The following APP variants were observed in gnomAD, a reference collection of about 807,000 sequenced individuals.
The protein encoded by APP is amyloid-beta precursor protein.
APP carries 31 observed loss-of-function variants against 101.4 expected under a neutral mutation model. That is an observed-to-expected ratio of 0.31 (90% CI 0.23 to 0.41). The LOEUF is 0.41. Ranked by LOEUF, APP falls within the 10% of genes least tolerant of loss-of-function variation. The pLI is 1.00. For synonymous variants in APP, 366 were observed against 364.4 expected (o/e 1.00, Z -0.05); for missense variants, 839 against 1,003.7 (o/e 0.84, Z 2.22).
chr21:26,001,430 A>G (rs1045561550), intron 6 of APP, among the ~76,000 whole-genome samples: 2 of 152,208 alleles, frequency 1.3e-5, no homozygotes, highest in Non-Finnish European at 2.9e-5. Context: ...TCTTAGTTTT[A>G]CTGACAGAGG....
At chr21:25,895,626 G>A (rs1265253364) in intron 16 of APP, among the ~76,000 whole-genome samples, 1 of 152,126 alleles carries the variant, frequency 6.6e-6, no homozygotes, top group African/African-American at 2.4e-5. Context: ...ATTTTTCTAA[G>A]CTGAAACTAA....
At chr21:26,063,692 T>C (rs1430474104) in intron 3 of APP, among the ~76,000 whole-genome samples, 2 of 152,208 alleles carry the variant, frequency 1.3e-5, no homozygotes, top group South Asian at 2.1e-4. Context: ...AATGAATGAA[T>C]ACATAAATAG....
At chr21:26,097,784 T>C (rs1195210333) in intron 2 of APP, among the ~76,000 whole-genome samples, 1 of 152,094 alleles carries the variant, frequency 6.6e-6, no homozygotes, top group Non-Finnish European at 1.5e-5. Context: ...CATGAAATAA[T>C]TTTAAGAGTG....
At chr21:26,071,885 C>T (rs1334005589) in intron 3 of APP, among the ~76,000 whole-genome samples, 2 of 152,208 alleles carry the variant, frequency 1.3e-5, no homozygotes, top group South Asian at 2.1e-4. Flanking sequence ...AGGTCACCCA[C>T]GAGGAAGAAA....
At chr21:26,083,628 A>G (rs1249886639) in intron 3 of APP, among the ~76,000 whole-genome samples, 1 of 152,244 alleles carries the variant, frequency 6.6e-6, no homozygotes, top group Non-Finnish European at 1.5e-5. Context: ...TGTACTACAA[A>G]TCAGATGTCC....
chr21:25,998,567 T>C (rs2043147880), intron 7 of APP, among the ~76,000 whole-genome samples: 1 of 152,168 alleles, frequency 6.6e-6, no homozygotes, highest in Non-Finnish European at 1.5e-5. Context: ...CAGGCCCTTC[T>C]GTTGTTTTGC....
At chr21:26,012,599 T>C (rs2043857340) in intron 6 of APP, among the ~76,000 whole-genome samples, 1 of 152,224 alleles carries the variant, frequency 6.6e-6, no homozygotes, top group African/African-American at 2.4e-5. Context: ...GCAAGGGAAC[T>C]AAAGATCTCC....
chr21:25,965,676 G>A (rs529960897), intron 11 of APP, among the ~76,000 whole-genome samples: 1 of 152,312 alleles, frequency 6.6e-6, no homozygotes, highest in Admixed American at 6.5e-5. Context: ...GCTTATGCGA[G>A]ATTGTGTTTG....
At chr21:26,103,774 A>G (rs920351227) in intron 2 of APP, among the ~76,000 whole-genome samples, 2 of 152,144 alleles carry the variant, frequency 1.3e-5, no homozygotes, top group Admixed American at 1.3e-4. Flanking sequence ...GCATTTACCT[A>G]ACGACGACTA....
At chr21:25,908,245 C>T (rs528919894) in intron 14 of APP, among the ~76,000 whole-genome samples, 1 of 152,076 alleles carries the variant, frequency 6.6e-6, no homozygotes, top group Admixed American at 6.5e-5. Context: ...GATGTGAAAA[C>T]CAAAGAATAA....
chr21:26,084,870 G>A (rs980989705), intron 3 of APP, among the ~76,000 whole-genome samples: 2 of 152,144 alleles, frequency 1.3e-5, no homozygotes, highest in African/African-American at 4.8e-5. Context: ...AGCTCATAAA[G>A]TACAACTACC....
At chr21:26,045,101 GA>G (rs951599519) in intron 5 of APP, among the ~76,000 whole-genome samples, 1 of 151,676 alleles carries the variant, frequency 6.6e-6, no homozygotes, top group African/African-American at 2.4e-5. Flanking sequence ...AGATAATGCA[GA>G]AAAAAAGGGG....
At chr21:26,138,526 CAAAAAAAAAAA>C (rs10535530) in intron 1 of APP, among the ~76,000 whole-genome samples, 1 of 140,792 alleles carries the variant, frequency 7.1e-6, no homozygotes, top group African/African-American at 2.6e-5. Flanking sequence ...TCTGTCTCTA[CAAAAAAAAAAA>C]AAAAAATTAG....
At chr21:26,054,256 G>GTAGTATGCCACT (rs2145968744) in intron 3 of APP, among the ~76,000 whole-genome samples, 1 of 88,046 alleles carries the variant, frequency 1.1e-5, no homozygotes, top group East Asian at 4.7e-4. Context: ...ATGGTGAGAA[G>GTAGTATGCCACT]TAGTATGCCA....
chr21:26,166,113 C>A (rs950803156), intron 1 of APP, among the ~76,000 whole-genome samples: 4 of 152,122 alleles, frequency 2.6e-5, no homozygotes, highest in African/African-American at 7.2e-5. Flanking sequence ...CTTAAGCCAT[C>A]CACACTAAAC....
intron 3 of APP, among the ~76,000 whole-genome samples, chr21:26,064,662 C>T (rs1319507523): frequency 1.3e-5 from 2 of 152,156 alleles, no homozygotes; most frequent in African/African-American, 4.8e-5. Context: ...ACAGCATTCT[C>T]ATTTAACACC....
At chr21:26,081,223 A>T (rs548732081) in intron 3 of APP, among the ~76,000 whole-genome samples, 26 of 152,278 alleles carry the variant, frequency 1.7e-4, no homozygotes, top group African/African-American at 6.3e-4. Context: ...CTTTACCCAC[A>T]TCTTCTTCTC....
chr21:26,100,402 A>G (rs1435867363), intron 2 of APP, among the ~76,000 whole-genome samples: 1 of 152,148 alleles, frequency 6.6e-6, no homozygotes, highest in Non-Finnish European at 1.5e-5. Flanking sequence ...TGATTTGCCA[A>G]TTTTCAGCCT....
chr21:26,128,197 T>C (rs1289977825), intron 1 of APP, among the ~76,000 whole-genome samples: 1 of 152,250 alleles, frequency 6.6e-6, no homozygotes, highest in African/African-American at 2.4e-5. Flanking sequence ...CAACCCCAGC[T>C]ACACGCTCAG....
Sources: allele counts gnomAD v4.1 joint callset (sites outside exome capture counted in the v4.1 genomes callset), GRCh38; gene constraint gnomAD v4.1.1; transcripts MANE v1.5; gene names NCBI Gene and HGNC (gene_info 2026-07-23, HGNC 2026-07-21).